BTD: variants seen among roughly 807,000 people sequenced by gnomAD.
BTD encodes biotinidase, also known as biocytinase.
In BTD, 13 loss-of-function variants were observed where a neutral mutation model predicts 17.7. That is an observed-to-expected ratio of 0.74 (90% confidence interval 0.48 to 1.17). The LOEUF is 1.17. Ranked by LOEUF, BTD falls within the 50% of genes most tolerant of loss-of-function variation. The probability of loss-of-function intolerance (pLI) is 0.00; values close to 1 mark genes in which losing one functional copy is unlikely to be tolerated. For synonymous variants in BTD, 240 were observed against 245.2 expected (o/e 0.98, Z 0.20); for missense variants, 674 against 650.4 (o/e 1.04, Z -0.39).
At chr3:15,641,096 G>A (rs993040856) in intron 2 of BTD, among the ~76,000 whole-genome samples, 1 of 152,154 alleles carries the variant, frequency 6.6e-6, no homozygotes, top group African/African-American at 2.4e-5. Flanking sequence ...AGCTGAGGGC[G>A]GCCCTGTTTG....
chr3:15,677,547 C>T, intron 3 of BTD: 2 of 1,611,916 alleles, frequency 1.2e-6, no homozygotes, highest in Non-Finnish European at 1.7e-6. Context: ...TGCACTAGCA[C>T]TGCTAACCAG....
chr3:15,656,587 G>A (rs112264246), downstream of BTD, among the ~76,000 whole-genome samples: 760 of 152,276 alleles, frequency 5.0e-3, 7 homozygotes, highest in African/African-American at 0.017. Flanking sequence ...TTTTGCCTGG[G>A]TGCTGGTTTT....
intron 4 of BTD, chr3:15,720,948 A>C: frequency 6.2e-7 from 1 of 1,613,750 alleles, no homozygotes; most frequent in East Asian, 2.2e-5. Flanking sequence ...TGCCAACTAG[A>C]AGCTCTAAAC....
intron 1 of BTD, among the ~76,000 whole-genome samples, chr3:15,625,710 C>T (rs935989718): frequency 2.0e-4 from 30 of 152,156 alleles, no homozygotes; most frequent in African/African-American, 6.8e-4. Context: ...CACCCGCCCC[C>T]TCGCCCAGCT....
intron 1 of BTD, among the ~76,000 whole-genome samples, chr3:15,626,780 CAAA>C (rs374875165): frequency 5.3e-5 from 5 of 95,024 alleles, no homozygotes; most frequent in Non-Finnish European, 6.0e-5. Flanking sequence ...GACCCTGTCT[CAAA>C]AAAAAAAAAA....
rs2125520080 is a variant in BTD, at chr3:15,649,234, T to C, written c.*3746T>C. 6.6e-6 allele frequency among the ~76,000 whole-genome samples: 1 copy of C among 152,350 alleles called. No homozygotes were observed. The highest frequency in any genetic ancestry group is 1.9e-4 in the East Asian group (1 of 5,190). ...ACTTGGGTCTTTCCATAGGGATAGCTGAGTGTCCTCATGATGTGGCCCCTG... is the reference window on the plus strand; with the variant it reads ...ACTTGGGTCTTTCCATAGGGATAGCCGAGTGTCCTCATGATGTGGCCCCTG... On this transcript the variant is annotated 3_prime_UTR_variant, in exon 4 of 4. Coordinates refer to ENST00000643237, the MANE Select transcript of BTD (RefSeq NM_001370658.1).
chr3:15,719,646 G>C (rs2073475329), intron 4 of BTD, among the ~76,000 whole-genome samples: 1 of 152,086 alleles, frequency 6.6e-6, no homozygotes. Context: ...ATAGTTCACT[G>C]TAACTTTGAA....
chr3:15,658,125 G>A (rs552913283), downstream of BTD, among the ~76,000 whole-genome samples: 91 of 150,030 alleles, frequency 6.1e-4, no homozygotes, highest in African/African-American at 2.1e-3. Context: ...CCAAGATTGC[G>A]CCACTGCACT....
intron 1 of BTD, among the ~76,000 whole-genome samples, chr3:15,618,245 G>A: frequency 6.6e-6 from 1 of 152,204 alleles, no homozygotes; most frequent in East Asian, 1.9e-4. Context: ...GAGCTTACAG[G>A]CATAAGCCAC....
At chr3:15,606,071 T>C (rs968899498) in intron 1 of BTD, among the ~76,000 whole-genome samples, 3 of 141,692 alleles carry the variant, frequency 2.1e-5, no homozygotes, top group East Asian at 2.1e-4. Context: ...AAAAAAGATG[T>C]GAAATCATCT....
intron 1 of BTD, among the ~76,000 whole-genome samples, chr3:15,627,675 G>A (rs978732615): frequency 2.6e-5 from 4 of 152,146 alleles, no homozygotes; most frequent in African/African-American, 7.2e-5. Flanking sequence ...CTATCATCCA[G>A]CGTCAGTGTT....
chr3:15,701,663 TAAATA>T (rs997161526), intron 3 of BTD, among the ~76,000 whole-genome samples: 2 of 151,724 alleles, frequency 1.3e-5, no homozygotes, highest in Non-Finnish European at 2.9e-5. Context: ...AATAAATAAA[TAAATA>T]AAATAAAAAG....
chr3:15,612,376 T>C (rs1454904258), intron 1 of BTD, among the ~76,000 whole-genome samples: 1 of 152,188 alleles, frequency 6.6e-6, no homozygotes, highest in Admixed American at 6.5e-5. Flanking sequence ...CAACCATAGG[T>C]TGGCATAATA....
At position 15,646,667 on chromosome 3, in the gene BTD, T is replaced by C. The variant is rs572074478; in HGVS notation, c.*1179T>C. On this transcript the variant is annotated 3_prime_UTR_variant, in exon 4 of 4. Transcript: ENST00000643237. Reference sequence around the variant, plus strand: ...CATGCCTAGTAGCTGTTTCAGATCATTTTTTAAGTACAGAATGGATAATTA... The same window carrying C: ...CATGCCTAGTAGCTGTTTCAGATCACTTTTTAAGTACAGAATGGATAATTA... The C allele has an allele frequency of 3.9e-5, 6 of 152,254 alleles. No individual in the cohort carries two copies. Among genetic ancestry groups the C allele is most frequent in the African/African-American group, 1.4e-4 (6 of 41,470 alleles). 9.4% of individuals were successfully genotyped at this position (152,254 alleles called of 1,614,324 possible). A position where few individuals can be genotyped will look rare whatever the true frequency, so the allele number is the denominator to read the frequency against.
upstream of BTD, chr3:15,601,491 C>T (rs374340973): frequency 5.0e-6 from 8 of 1,611,012 alleles, no homozygotes; most frequent in African/African-American, 8.0e-5. Context: ...TAAGCACTCA[C>T]GCAGCCGGCA....
chr3:15,601,597 TA>T (rs746576682), upstream of BTD: 9 of 1,579,632 alleles, frequency 5.7e-6, no homozygotes, highest in African/African-American at 8.0e-5. Flanking sequence ...CCAACTGCCT[TA>T]AACAACGGGA....
chr3:15,610,427 C>T (rs914900188), intron 1 of BTD, among the ~76,000 whole-genome samples: 3 of 152,128 alleles, frequency 2.0e-5, no homozygotes, highest in African/African-American at 4.8e-5. Flanking sequence ...TAAAGGCATT[C>T]GAGTTACATG....
At chr3:15,671,556 A>C (rs2066352531) in intron 3 of BTD, among the ~76,000 whole-genome samples, 1 of 151,180 alleles carries the variant, frequency 6.6e-6, no homozygotes, top group South Asian at 2.1e-4. Flanking sequence ...CTTGCTTTCA[A>C]CTTGGAGTCA....
intron 2 of BTD, among the ~76,000 whole-genome samples, chr3:15,637,071 G>T (rs1184038335): frequency 6.6e-6 from 1 of 152,110 alleles, no homozygotes; most frequent in African/African-American, 2.4e-5. Flanking sequence ...AGAGCTAAAG[G>T]GAGCAGGACC....
Sources: allele counts gnomAD v4.1 joint callset (sites outside exome capture counted in the v4.1 genomes callset), GRCh38; gene constraint gnomAD v4.1.1; transcripts MANE v1.5; gene names NCBI Gene and HGNC (gene_info 2026-07-23, HGNC 2026-07-21).